JMJD1C: variants seen among roughly 807,000 people sequenced by gnomAD.
JMJD1C encodes the protein jumonji domain containing 1C, also known as jumonji domain-containing protein 1C.
In JMJD1C, 31 loss-of-function variants were observed where a neutral mutation model predicts 245.3. The observed-to-expected ratio is 0.13, with a 90% CI of 0.09 to 0.17. JMJD1C has a LOEUF of 0.17. JMJD1C is among the 10% of genes least tolerant of loss of function. The probability of loss-of-function intolerance (pLI) is 1.00; values close to 1 mark genes in which losing one functional copy is unlikely to be tolerated. For missense variants in JMJD1C, 2,691 were observed against 3,000.2 expected (o/e 0.90, Z 2.41); for synonymous variants, 1,057 against 1,017.4 (o/e 1.04, Z -0.74).
chr10:63,400,954 G>A (rs770188666), intron 1 of JMJD1C, among the ~76,000 whole-genome samples: 18 of 151,800 alleles, frequency 1.2e-4, no homozygotes, highest in African/African-American at 1.7e-4. Flanking sequence ...TCCGCCTCCC[G>A]GGTTCAAGCA....
chr10:63,465,490 C>T lies in JMJD1C; in HGVS notation c.168+5G>A, dbSNP rs773770549. ...AGGGGAAAAGGGGGGCGCTGACTCT[C>T]TTACCGCCAGGTCCGGATTGCGGCT... On this transcript the variant is annotated splice_donor_5th_base_variant and intron_variant, in intron 1 of 25. Transcript: ENST00000399262. 16 of 1,599,382 alleles carry T rather than the reference C, an allele frequency of 1.0e-5. No individual in the cohort carries two copies. Among genetic ancestry groups the T allele is most frequent in the Non-Finnish European group, 1.4e-5 (16 of 1,175,802 alleles).
At chr10:63,417,925 G>T (rs1009122126) in intron 1 of JMJD1C, among the ~76,000 whole-genome samples, 3 of 152,032 alleles carry the variant, frequency 2.0e-5, no homozygotes, top group African/African-American at 7.2e-5. Context: ...AACTATTTCA[G>T]GTCATAATTT....
chr10:63,223,723 C>CATT, intron 3 of JMJD1C, among the ~76,000 whole-genome samples: 1 of 151,802 alleles, frequency 6.6e-6, no homozygotes, highest in Non-Finnish European at 1.5e-5. Flanking sequence ...GATATATAAT[C>CATT]TATTTCTTCA....
In JMJD1C at chr10:63,371,680, C is replaced by T. The variant is rs1024763010; in HGVS notation, c.333+8638G>A. 3.3e-5 allele frequency among the ~76,000 whole-genome samples: 5 copies of T among 151,690 alleles called. No individual in the cohort carries two copies. The South Asian group carries it at 1.0e-3, about 32-fold the overall frequency. Reference sequence around the variant, plus strand: ...TATGAACTTCTTATGGTTCTTATAACATAATACTTTCCAAAAGAATAATGT... The same window carrying T: ...TATGAACTTCTTATGGTTCTTATAATATAATACTTTCCAAAAGAATAATGT... On this transcript the variant is annotated intron_variant, in intron 2 of 25. Coordinates refer to ENST00000399262, the MANE Select transcript of JMJD1C (RefSeq NM_032776.3).
chr10:63,518,642 A>T (rs1371438566), intron 1 of JMJD1C, among the ~76,000 whole-genome samples: 1 of 152,216 alleles, frequency 6.6e-6, no homozygotes, highest in Non-Finnish European at 1.5e-5. Flanking sequence ...TAAAATCATG[A>T]TGCAAGATGG....
At chr10:63,187,124 T>C (rs755516415) in intron 18 of JMJD1C, among the ~76,000 whole-genome samples, 8 of 152,060 alleles carry the variant, frequency 5.3e-5, no homozygotes, top group Admixed American at 1.3e-4. Context: ...AGCTAGATTT[T>C]TTTTTTAATT....
At chr10:63,194,141 T>TA (rs1338548969) in intron 14 of JMJD1C, 145 bp downstream of exon 14, 2 of 618,302 alleles carry the variant, frequency 3.2e-6, no homozygotes, top group East Asian at 5.5e-5. Context: ...CTTTATTACA[T>TA]AGAGGATTTC....
At chr10:63,389,795 C>G (rs1476072797) in intron 1 of JMJD1C, among the ~76,000 whole-genome samples, 1 of 152,060 alleles carries the variant, frequency 6.6e-6, no homozygotes, top group Non-Finnish European at 1.5e-5. Flanking sequence ...TAAATGACCA[C>G]TAGGTCAAGA....
intron 3 of JMJD1C, among the ~76,000 whole-genome samples, chr10:63,254,592 T>C (rs972650590): frequency 3.3e-5 from 5 of 151,954 alleles, no homozygotes; most frequent in Admixed American, 1.3e-4. Flanking sequence ...CCAGGCTAGA[T>C]TGCAATGGCA....
At chr10:63,282,292 G>C (rs1857503339) in intron 2 of JMJD1C, among the ~76,000 whole-genome samples, 1 of 152,146 alleles carries the variant, frequency 6.6e-6, no homozygotes, top group South Asian at 2.1e-4. Flanking sequence ...ATACGATGCA[G>C]TATCTATTTT....
intron 3 of JMJD1C, among the ~76,000 whole-genome samples, chr10:63,221,410 A>G (rs1848582892): frequency 6.6e-6 from 1 of 152,220 alleles, no homozygotes; most frequent in Non-Finnish European, 1.5e-5. Context: ...AGTGAAAGCC[A>G]ACAGGCCAAA....
At chr10:63,366,812 T>C (rs1370736481) in intron 2 of JMJD1C, among the ~76,000 whole-genome samples, 1 of 152,192 alleles carries the variant, frequency 6.6e-6, no homozygotes, top group African/African-American at 2.4e-5. Flanking sequence ...CCTGGGTCAC[T>C]GGATACATAA....
chr10:63,324,124 T>C (rs1423453802), intron 2 of JMJD1C, among the ~76,000 whole-genome samples: 1 of 151,274 alleles, frequency 6.6e-6, no homozygotes, highest in East Asian at 1.9e-4. Flanking sequence ...CCCTACTCAG[T>C]CTACTAGCTC....
intron 1 of JMJD1C, among the ~76,000 whole-genome samples, chr10:63,463,508 T>G (rs1197707826): frequency 6.6e-6 from 1 of 152,176 alleles, no homozygotes; most frequent in Non-Finnish European, 1.5e-5. Context: ...GTAATCAAAG[T>G]CGAACAGGAA....
At chr10:63,350,641 G>A (rs1234459361) in intron 2 of JMJD1C, among the ~76,000 whole-genome samples, 1 of 146,910 alleles carries the variant, frequency 6.8e-6, no homozygotes, top group Non-Finnish European at 1.5e-5. Flanking sequence ...TTTTGAGACG[G>A]AGTCTCACTC....
intron 8 of JMJD1C, among the ~76,000 whole-genome samples, chr10:63,211,870 C>T (rs1847401328): frequency 1.4e-5 from 2 of 146,810 alleles, no homozygotes; most frequent in African/African-American, 2.5e-5. Context: ...ACAAAAAAAC[C>T]ACCCATGTTC....
At chr10:63,331,774 C>T (rs1239428023) in intron 2 of JMJD1C, among the ~76,000 whole-genome samples, 7 of 152,104 alleles carry the variant, frequency 4.6e-5, no homozygotes, top group South Asian at 2.1e-4. Context: ...TGTGCCACCA[C>T]GCCCAACTAA....
chr10:63,521,475 GC>G, intron 1 of JMJD1C: 1 of 1,082,234 alleles, frequency 9.2e-7, no homozygotes, highest in Non-Finnish European at 1.2e-6. Context: ...CGCGCGGCCT[GC>G]CGTTGGCGGC....
At chr10:63,266,873 T>G (rs1157695053) in intron 2 of JMJD1C, among the ~76,000 whole-genome samples, 2 of 152,254 alleles carry the variant, frequency 1.3e-5, no homozygotes, top group Non-Finnish European at 2.9e-5. Flanking sequence ...TGAAAAACAT[T>G]CTTCTGAAGA....
Sources: gnomAD v4.1 joint callset for allele counts (sites outside exome capture counted in the v4.1 genomes callset) on GRCh38, gnomAD v4.1.1 for gene constraint, MANE v1.5 for transcripts, NCBI Gene and HGNC (gene_info 2026-07-23, HGNC 2026-07-21) for gene names.